Variants in KCND2 observed in about 807,000 individuals in gnomAD.
The protein encoded by KCND2 is potassium voltage-gated channel subfamily D member 2.
In KCND2, 16 loss-of-function variants were observed where a neutral mutation model predicts 54.4. The observed-to-expected ratio is 0.29, with a 90% CI of 0.20 to 0.45. The LOEUF is 0.45. KCND2 is among the 20% of genes least tolerant of loss of function. KCND2 has a pLI of 1.00. For synonymous variants in KCND2, 317 were observed against 310.7 expected (o/e 1.02, Z -0.21); for missense variants, 486 against 824.2 (o/e 0.59, Z 5.02).
intron 1 of KCND2, among the ~76,000 whole-genome samples, chr7:120,483,835 C>T (rs1802649648): frequency 6.6e-6 from 1 of 152,002 alleles, no homozygotes. Context: ...TTAGACATGT[C>T]GAGTGTATAA....
At chr7:120,681,820 A>G (rs905486138) in intron 1 of KCND2, among the ~76,000 whole-genome samples, 1 of 152,078 alleles carries the variant, frequency 6.6e-6, no homozygotes, top group African/African-American at 2.4e-5. Flanking sequence ...AATACCATAT[A>G]AAGAAATGTC....
chr7:120,666,860 A>C (rs1160596348), intron 1 of KCND2, among the ~76,000 whole-genome samples: 39 of 152,056 alleles, frequency 2.6e-4, no homozygotes, highest in Non-Finnish European at 8.8e-5. Context: ...TAAAATACAA[A>C]CCTCTATAGT....
intron 1 of KCND2, among the ~76,000 whole-genome samples, chr7:120,340,247 G>A (rs1004438977): frequency 3.3e-5 from 5 of 152,104 alleles, no homozygotes; most frequent in African/African-American, 9.7e-5. Context: ...GTATCAGGGT[G>A]GTATCAATAG....
chr7:120,287,105 G>A (rs912154905), intron 1 of KCND2, among the ~76,000 whole-genome samples: 9 of 151,922 alleles, frequency 5.9e-5, no homozygotes, highest in Non-Finnish European at 2.9e-5. Flanking sequence ...GTATAAGCAG[G>A]TTATTTAACA....
At chr7:120,471,093 A>G (rs1802446813) in intron 1 of KCND2, among the ~76,000 whole-genome samples, 1 of 152,074 alleles carries the variant, frequency 6.6e-6, no homozygotes, top group African/African-American at 2.4e-5. Context: ...CTGGGCTGTC[A>G]CCCCAAATTC....
At chr7:120,285,984 T>G (rs1799336066) in intron 1 of KCND2, among the ~76,000 whole-genome samples, 1 of 151,862 alleles carries the variant, frequency 6.6e-6, no homozygotes. Context: ...AATACATTCA[T>G]AGTTATCTAA....
intron 1 of KCND2, 103 bp from the exon 2 acceptor site, chr7:120,732,800 T>C (rs1013555672): frequency 1.1e-5 from 9 of 845,682 alleles, no homozygotes; most frequent in Admixed American, 4.3e-5. Flanking sequence ...GAAATAGATA[T>C]GTCCAAAAAA....
intron 1 of KCND2, among the ~76,000 whole-genome samples, chr7:120,475,163 A>G (rs1802515694): frequency 6.6e-6 from 1 of 152,228 alleles, no homozygotes; most frequent in Admixed American, 6.5e-5. Flanking sequence ...AAGGAAAAAA[A>G]GGGAGGGTTG....
chr7:120,520,475 G>A (rs1791675034), intron 1 of KCND2, among the ~76,000 whole-genome samples: 1 of 152,128 alleles, frequency 6.6e-6, no homozygotes, highest in Non-Finnish European at 1.5e-5. Flanking sequence ...GAGAGATAAA[G>A]AGAGTCCTTG....
chr7:120,301,058 G>A (rs575011184), intron 1 of KCND2, among the ~76,000 whole-genome samples: 2 of 152,168 alleles, frequency 1.3e-5, no homozygotes, highest in African/African-American at 2.4e-5. Context: ...ATAAGAATCT[G>A]TAGAAATATC....
chr7:120,293,690 T>C (rs539629893), intron 1 of KCND2, among the ~76,000 whole-genome samples: 69 of 152,050 alleles, frequency 4.5e-4, no homozygotes, highest in Non-Finnish European at 9.1e-4. Context: ...ACCCTGAGTC[T>C]GCACCATACT....
At chr7:120,634,610 T>C (rs894598796) in intron 1 of KCND2, among the ~76,000 whole-genome samples, 1 of 152,182 alleles carries the variant, frequency 6.6e-6, no homozygotes, top group African/African-American at 2.4e-5. Context: ...ATCACCTTCA[T>C]TTCTCACCCA....
intron 1 of KCND2, among the ~76,000 whole-genome samples, chr7:120,556,607 T>C (rs74806228): frequency 0.021 from 3,145 of 152,296 alleles, 58 homozygotes; most frequent in South Asian, 0.081. Context: ...TCATCAGATA[T>C]GTGGGTATAG....
intron 1 of KCND2, among the ~76,000 whole-genome samples, chr7:120,475,980 C>T (rs1463070207): frequency 1.3e-5 from 2 of 152,202 alleles, no homozygotes; most frequent in Admixed American, 1.3e-4. Flanking sequence ...AAATACCTAT[C>T]ATCATAATCA....
intron 1 of KCND2, among the ~76,000 whole-genome samples, chr7:120,640,784 A>G (rs1793361705): frequency 6.6e-6 from 1 of 152,168 alleles, no homozygotes; most frequent in South Asian, 2.1e-4. Context: ...GACACTTTGA[A>G]GTTTTATTCA....
intron 1 of KCND2, among the ~76,000 whole-genome samples, chr7:120,553,423 A>G (rs920098795): frequency 2.0e-5 from 3 of 152,182 alleles, no homozygotes; most frequent in African/African-American, 7.2e-5. Context: ...TTATCCATTC[A>G]TCCACTGATG....
chr7:120,454,738 T>A (rs11763043), intron 1 of KCND2, among the ~76,000 whole-genome samples: 49,045 of 151,998 alleles, frequency 0.32, 10,935 homozygotes, highest in African/African-American at 0.62. Context: ...GAGAAAGTCA[T>A]CCTATCTCTA....
At chr7:120,510,652 C>T (rs1168775280) in intron 1 of KCND2, among the ~76,000 whole-genome samples, 1 of 151,964 alleles carries the variant, frequency 6.6e-6, no homozygotes, top group Non-Finnish European at 1.5e-5. Flanking sequence ...AGATTCTCTA[C>T]CTAAGGAGCA....
At chr7:120,550,265 T>TGC (rs1233698085) in intron 1 of KCND2, among the ~76,000 whole-genome samples, 2 of 152,058 alleles carry the variant, frequency 1.3e-5, no homozygotes, top group Non-Finnish European at 2.9e-5. Context: ...CAAGATAGCT[T>TGC]AGTGAGGCAT....
Sources: allele counts gnomAD v4.1 joint callset (sites outside exome capture counted in the v4.1 genomes callset), GRCh38; gene constraint gnomAD v4.1.1; transcripts MANE v1.5; gene names NCBI Gene and HGNC (gene_info 2026-07-23, HGNC 2026-07-21).